TRAPPC12: variants seen among roughly 807,000 people sequenced by gnomAD.
TRAPPC12 encodes TPR repeat protein 15.
Under a neutral mutation model 69.2 loss-of-function variants are expected in TRAPPC12, and 61 were observed. That is an observed-to-expected ratio of 0.88 (90% confidence interval 0.72 to 1.09). TRAPPC12 has a LOEUF of 1.09. Among genes scored for constraint, TRAPPC12 ranks in the 50% least tolerant of loss-of-function variants. TRAPPC12 has a pLI of 0.00. For synonymous variants in TRAPPC12, 469 were observed against 438.9 expected, an observed-to-expected ratio of 1.07 and a Z score of -0.86; for missense variants, 1,101 against 1,016.4, an observed-to-expected ratio of 1.08 and a Z score of -1.13.
intron 5 of TRAPPC12, among the ~76,000 whole-genome samples, chr2:3,425,635 G>C (rs951756626): frequency 4.6e-5 from 7 of 152,198 alleles, no homozygotes; most frequent in African/African-American, 1.7e-4. Flanking sequence ...AGTAACATGG[G>C]AAAGTCTCGC....
rs762010438 is a variant in TRAPPC12 at position 3,388,439 on chromosome 2, G to T, written c.816G>T (p.Ala272=). Residue 272 remains alanine (A), a synonymous_variant, in exon 2 of 12, where the codon GCG becomes GCT. Transcript: ENST00000324266. ...CCATGCGAGGGCCCCAGGCAGCTGC[G>T]CCCCCGGCGTCGCCAGAGCCTTTCG... is the stretch of plus-strand genomic sequence containing the variant. ...PVAMRGPQAA[A]PPASPEPFAH... is the part of the protein sequence containing the mutation. 2 of 1,607,788 alleles carry T rather than the reference G, an allele frequency of 1.2e-6. No homozygotes were observed. Among genetic ancestry groups the T allele is most frequent in the Admixed American group, 1.7e-5 (1 of 59,532 alleles).
chr2:3,460,224 A>C, intron 7 of TRAPPC12, 39 bp from the exon 8 acceptor site: 1 of 872,800 alleles, frequency 1.1e-6, no homozygotes, highest in Middle Eastern at 2.2e-4. Flanking sequence ...AAGAGCCTCG[A>C]ATTTATTTGT....
intron 3 of TRAPPC12, among the ~76,000 whole-genome samples, chr2:3,408,187 C>T (rs982307628): frequency 6.6e-6 from 1 of 152,166 alleles, no homozygotes; most frequent in African/African-American, 2.4e-5. Flanking sequence ...AAATGTCTAC[C>T]GTGCCTCCAG....
chr2:3,401,783 G>A lies in TRAPPC12; in HGVS notation c.1054G>A (p.Ala352Thr). Residue 352 changes from alanine to threonine, a missense_variant, in exon 3 of 12, where the codon GCA becomes ACA. Coordinates refer to ENST00000324266, the MANE Select transcript of TRAPPC12 (RefSeq NM_016030.6). Reference sequence around the variant, plus strand: ...TTTCTTCTATTCTTCCCAGGGAGATGCAGTTAAAGACTTGATGCTTCGCTT... The same window carrying A: ...TTTCTTCTATTCTTCCCAGGGAGATACAGTTAAAGACTTGATGCTTCGCTT... ...GLRFDNIQGD[A>T]VKDLMLRFLG... The A allele has an allele frequency of 6.4e-7, 1 of 1,572,988 alleles. No homozygotes were observed. Among genetic ancestry groups the A allele is most frequent in the Admixed American group, 2.0e-5 (1 of 50,212 alleles).
chr2:3,464,603 C>T (rs778255129), intron 8 of TRAPPC12, among the ~76,000 whole-genome samples: 5 of 152,228 alleles, frequency 3.3e-5, no homozygotes, highest in Non-Finnish European at 7.3e-5. Context: ...TGCGAGAATG[C>T]AGGGGAGCAT....
At chr2:3,464,959 C>A (rs1665724397) in intron 8 of TRAPPC12, among the ~76,000 whole-genome samples, 1 of 152,202 alleles carries the variant, frequency 6.6e-6, no homozygotes, top group South Asian at 2.1e-4. Context: ...AACCAGATGC[C>A]CTGAGCACGG....
At position 3,388,585 on chromosome 2, in the gene TRAPPC12, G is replaced by C. The variant is rs755384299; in HGVS notation, c.962G>C (p.Arg321Pro). Residue 321 changes from arginine to proline, a missense_variant, in exon 2 of 12, where the codon CGG becomes CCG. Coordinates refer to ENST00000324266, the MANE Select transcript of TRAPPC12 (RefSeq NM_016030.6). ...LPGEATRGVL[R>P]AVATQQRGAV... ...GGCGAGGCTACGCGTGGAGTCCTGCGGGCCGTGGCCACCCAGCAGCGCGGC... is the reference window on the plus strand; with the variant it reads ...GGCGAGGCTACGCGTGGAGTCCTGCCGGCCGTGGCCACCCAGCAGCGCGGC... 8 of 1,611,194 alleles carry C rather than the reference G, an allele frequency of 5.0e-6. No individual in the cohort carries two copies. Among genetic ancestry groups the C allele is most frequent in the Non-Finnish European group, 5.9e-6 (7 of 1,178,838 alleles).
chr2:3,435,815 T>C (rs1476109392), intron 5 of TRAPPC12, among the ~76,000 whole-genome samples: 1 of 152,232 alleles, frequency 6.6e-6, no homozygotes, highest in East Asian at 1.9e-4. Flanking sequence ...GACATTTTCC[T>C]GTGTGATATG....
At chr2:3,468,677 C>T (rs918174648) in intron 9 of TRAPPC12, among the ~76,000 whole-genome samples, 7 of 152,188 alleles carry the variant, frequency 4.6e-5, no homozygotes, top group Admixed American at 1.3e-4. Context: ...CCCACTCCCA[C>T]GGCGGGGCAG....
At chr2:3,382,507 C>G (rs944001756) in intron 1 of TRAPPC12, among the ~76,000 whole-genome samples, 18 of 152,192 alleles carry the variant, frequency 1.2e-4, no homozygotes, top group Non-Finnish European at 1.8e-4. Context: ...ATAGCTTACA[C>G]TGCTCATGTA....
At chr2:3,393,831 C>A (rs1295508448) in intron 2 of TRAPPC12, among the ~76,000 whole-genome samples, 1 of 152,210 alleles carries the variant, frequency 6.6e-6, no homozygotes, top group Middle Eastern at 3.4e-3. Context: ...TTAGGAAGAG[C>A]CTTGAATTAG....
intron 9 of TRAPPC12, among the ~76,000 whole-genome samples, chr2:3,474,977 G>A (rs897771692): frequency 1.3e-5 from 2 of 152,132 alleles, no homozygotes; most frequent in African/African-American, 2.4e-5. Context: ...TCGTGGATTC[G>A]CACAGAGTAA....
chr2:3,388,853 G>A (rs1233374997), intron 2 of TRAPPC12, 183 bp downstream of exon 2: 4 of 593,566 alleles, frequency 6.7e-6, no homozygotes, highest in South Asian at 2.8e-5. Flanking sequence ...TTCCCCAACA[G>A]AACATATTTA....
At chr2:3,420,829 A>G (rs868435241) in intron 3 of TRAPPC12, among the ~76,000 whole-genome samples, 2 of 152,204 alleles carry the variant, frequency 1.3e-5, no homozygotes, top group Non-Finnish European at 2.9e-5. Context: ...GAGTTAGTAT[A>G]CAGAAGAAGT....
Position 3,457,609 on chromosome 2 carries a change from G to A in TRAPPC12, c.1531-12G>A, listed in dbSNP as rs1430626002. 5 of 1,612,210 alleles carry A rather than the reference G, an allele frequency of 3.1e-6. No homozygotes were observed. Among genetic ancestry groups the A allele is most frequent in the Middle Eastern group, 1.7e-4 (1 of 6,060 alleles). ...CCCATGATTTTGTCCTTCTCATTTG[G>A]AATGATTGCAGATCCTGGCCAATTT... On this transcript the variant is annotated splice_polypyrimidine_tract_variant and intron_variant, in intron 6 of 11. Transcript: ENST00000324266.
At chr2:3,413,848 CA>C (rs1662196411) in intron 3 of TRAPPC12, among the ~76,000 whole-genome samples, 2 of 152,188 alleles carry the variant, frequency 1.3e-5, no homozygotes, top group South Asian at 4.1e-4. Flanking sequence ...GTAATCATCT[CA>C]CCAGCACCCG....
chr2:3,427,287 G>A lies in TRAPPC12; in HGVS notation c.1417+2624G>A, dbSNP rs532050618. Among the ~76,000 whole-genome samples, 45 of 152,326 alleles carry A rather than the reference G, an allele frequency of 3.0e-4. 1 individual carries two copies. In the South Asian group the frequency reaches 9.3e-3, roughly 32 times the overall value. ...GGTTCATAGTCCCGGGAGGGGGCTG[G>A]ACCCAGGTCTGTGGGACTCTGCCTG... On this transcript the variant is annotated intron_variant, in intron 5 of 11. Coordinates refer to ENST00000324266, the MANE Select transcript of TRAPPC12 (RefSeq NM_016030.6).
chr2:3,432,771 T>C, intron 5 of TRAPPC12, among the ~76,000 whole-genome samples: 1 of 152,190 alleles, frequency 6.6e-6, no homozygotes, highest in East Asian at 1.9e-4. Context: ...ATAGGGGAAT[T>C]TTCAGTTTGG....
At chr2:3,458,380 C>T (rs531668292) in intron 7 of TRAPPC12, 3 of 985,888 alleles carry the variant, frequency 3.0e-6, no homozygotes, top group South Asian at 4.7e-5. Flanking sequence ...GCCTGGTGGC[C>T]TGGTCATCTC....
Sources: gnomAD v4.1 joint callset for allele counts (sites outside exome capture counted in the v4.1 genomes callset) on GRCh38, gnomAD v4.1.1 for gene constraint, MANE v1.5 for transcripts, NCBI Gene and HGNC (gene_info 2026-07-23, HGNC 2026-07-21) for gene names.